Variants in WDR49 observed in about 807,000 individuals in gnomAD.
WDR49 encodes WD repeat domain 49, also known as cilia- and flagella-associated protein 337.
A neutral mutation model predicts 119.5 loss-of-function variants in WDR49; 107 were observed. That is an observed-to-expected ratio of 0.90 (90% CI 0.77 to 1.05). WDR49 has a LOEUF of 1.05. Ranked by LOEUF, WDR49 falls within the 50% of genes least tolerant of loss-of-function variation. The pLI is 0.00. For synonymous variants in WDR49, 425 were observed against 418.8 expected (o/e 1.01, Z -0.18); for missense variants, 1,240 against 1,220.5 (o/e 1.02, Z -0.24).
chr3:167,499,097 A>G (rs1168366438), intron 18 of WDR49, among the ~76,000 whole-genome samples: 1 of 151,990 alleles, frequency 6.6e-6, no homozygotes, highest in African/African-American at 2.4e-5. Context: ...AATGTTTTTT[A>G]AAATAAAAAA....
chr3:167,588,834 T>C (rs1577258760), intron 7 of WDR49, among the ~76,000 whole-genome samples: 1 of 152,296 alleles, frequency 6.6e-6, no homozygotes, highest in Middle Eastern at 3.4e-3. Flanking sequence ...ATTCTGGTTA[T>C]TAATCCCTTG....
At chr3:167,581,063 G>A (rs1424430321) in intron 7 of WDR49, among the ~76,000 whole-genome samples, 1 of 151,944 alleles carries the variant, frequency 6.6e-6, no homozygotes, top group Non-Finnish European at 1.5e-5. Context: ...GTCCATGAAC[G>A]GGCATGTTTG....
chr3:167,548,661 T>A (rs1213441299), intron 10 of WDR49, among the ~76,000 whole-genome samples: 3 of 151,998 alleles, frequency 2.0e-5, no homozygotes, highest in South Asian at 2.1e-4. Context: ...GGAAAAGATG[T>A]AACTCAAGTT....
chr3:167,478,783 T>G lies in WDR49; in HGVS notation c.*95A>C. 1.2e-6 allele frequency: 1 copy of G among 849,810 alleles called. No homozygotes were observed. Among genetic ancestry groups the G allele is most frequent in the Non-Finnish European group, 1.8e-6 (1 of 564,022 alleles). The allele number at this position is 849,810 out of a possible 1,614,324, so 52.6% of individuals were successfully genotyped here. A position where few individuals can be genotyped will look rare whatever the true frequency, so the allele number is the denominator to read the frequency against. On this transcript the variant is annotated 3_prime_UTR_variant, in exon 19 of 19. Coordinates refer to ENST00000682715, the MANE Select transcript of WDR49 (RefSeq NM_001366157.1). Reference sequence around the variant, plus strand: ...CCATGAAGAGAAAACTTCCTGAAGTTTAAATATAAAATAAAATAAAAGGCA... The same window carrying G: ...CCATGAAGAGAAAACTTCCTGAAGTGTAAATATAAAATAAAATAAAAGGCA...
chr3:167,572,951 C>T (rs1714020165), intron 8 of WDR49, among the ~76,000 whole-genome samples: 1 of 152,198 alleles, frequency 6.6e-6, no homozygotes, highest in South Asian at 2.1e-4. Context: ...GGAAAAACTG[C>T]AGTTCAGGGT....
At chr3:167,530,106 A>C (rs1051994630) in intron 13 of WDR49, among the ~76,000 whole-genome samples, 1 of 152,122 alleles carries the variant, frequency 6.6e-6, no homozygotes, top group African/African-American at 2.4e-5. Flanking sequence ...TAGAAAATGG[A>C]AAGTTTTAGA....
intron 3 of WDR49, among the ~76,000 whole-genome samples, chr3:167,622,536 C>T (rs1357426925): frequency 6.6e-6 from 1 of 152,072 alleles, no homozygotes; most frequent in African/African-American, 2.4e-5. Context: ...TTTACATCTG[C>T]CATTTTTCTA....
chr3:167,515,573 G>A (rs538668570), intron 16 of WDR49, among the ~76,000 whole-genome samples: 42 of 152,182 alleles, frequency 2.8e-4, no homozygotes, highest in African/African-American at 9.2e-4. Context: ...CTTGAAAACC[G>A]GCACAAGACA....
chr3:167,489,789 A>G (rs1387717587), intron 18 of WDR49, among the ~76,000 whole-genome samples: 3 of 152,270 alleles, frequency 2.0e-5, no homozygotes, highest in South Asian at 2.1e-4. Flanking sequence ...GTAATGTACT[A>G]TGCAATGACT....
intron 10 of WDR49, among the ~76,000 whole-genome samples, chr3:167,554,188 A>T (rs1712769356): frequency 6.6e-6 from 1 of 152,124 alleles, no homozygotes. Flanking sequence ...GCTCCTCGAG[A>T]AGAGTAAGTG....
chr3:167,618,346 T>C (rs1276714284), intron 5 of WDR49, among the ~76,000 whole-genome samples: 1 of 152,202 alleles, frequency 6.6e-6, no homozygotes, highest in African/African-American at 2.4e-5. Flanking sequence ...GAGTCTATAA[T>C]TAATCTTTCT....
intron 11 of WDR49, 141 bp from the exon 12 acceptor site, chr3:167,533,118 T>C (rs1312891597): frequency 1.9e-6 from 1 of 528,478 alleles, no homozygotes; most frequent in African/African-American, 1.9e-5. Flanking sequence ...TTTAGAAACA[T>C]GAATAATAAT....
At chr3:167,588,849 A>G (rs1189881129) in intron 7 of WDR49, among the ~76,000 whole-genome samples, 1 of 152,036 alleles carries the variant, frequency 6.6e-6, no homozygotes, top group Non-Finnish European at 1.5e-5. Flanking sequence ...CCCTTGTCAG[A>G]TGGATAGTTT....
At chr3:167,580,518 T>C (rs747542167) in intron 7 of WDR49, among the ~76,000 whole-genome samples, 3 of 152,186 alleles carry the variant, frequency 2.0e-5, no homozygotes, top group Non-Finnish European at 2.9e-5. Context: ...GCATTTCCTT[T>C]GCATTATACC....
chr3:167,506,764 C>T (rs1197473059), intron 16 of WDR49, among the ~76,000 whole-genome samples: 1 of 152,132 alleles, frequency 6.6e-6, no homozygotes, highest in Non-Finnish European at 1.5e-5. Context: ...TCTGTAACGT[C>T]AACATTATAT....
chr3:167,595,650 G>A lies in WDR49; in HGVS notation c.1275+6477C>T, dbSNP rs867883418. Among the ~76,000 whole-genome samples, 12 of 152,246 alleles carry A rather than the reference G, an allele frequency of 7.9e-5. No homozygotes were observed. The South Asian group carries it at 2.1e-3, about 26-fold the overall frequency. Reference sequence around the variant, plus strand: ...TCCCTATTTAATAAATGGTGCTGGGGAAATTGGCTAGCCATATGTAGAAAG... The same window carrying A: ...TCCCTATTTAATAAATGGTGCTGGGAAAATTGGCTAGCCATATGTAGAAAG... On this transcript the variant is annotated intron_variant, in intron 7 of 18. Transcript: ENST00000682715.
intron 10 of WDR49, among the ~76,000 whole-genome samples, chr3:167,554,394 G>A (rs1712790841): frequency 6.6e-6 from 1 of 152,100 alleles, no homozygotes; most frequent in Non-Finnish European, 1.5e-5. Flanking sequence ...TGGAACCTAG[G>A]AAGTGGTAAT....
At chr3:167,629,889 A>G (rs1222553950) in intron 2 of WDR49, among the ~76,000 whole-genome samples, 1 of 152,122 alleles carries the variant, frequency 6.6e-6, no homozygotes, top group African/African-American at 2.4e-5. Flanking sequence ...TCAAACTTAA[A>G]TGGATGTGGG....
At chr3:167,560,252 G>T (rs1039201420) in intron 8 of WDR49, 24 bp from the exon 9 acceptor site, 2 of 1,599,572 alleles carry the variant, frequency 1.3e-6, no homozygotes, top group Middle Eastern at 1.7e-4. Flanking sequence ...ACATTTTAAA[G>T]AAATTAAATA....
Sources: allele counts gnomAD v4.1 joint callset (sites outside exome capture counted in the v4.1 genomes callset), GRCh38; gene constraint gnomAD v4.1.1; transcripts MANE v1.5; gene names NCBI Gene and HGNC (gene_info 2026-07-23, HGNC 2026-07-21).